The following ALG10B variants were observed in gnomAD, a reference collection of about 807,000 sequenced individuals.
ALG10B encodes dol-P-Glc:Glc(2)Man(9)GlcNAc(2)-PP-Dol alpha-1,2-glucosyltransferase B.
ALG10B carries 27 observed loss-of-function variants against 38.7 expected under a neutral mutation model. The ratio of observed to expected loss-of-function variants is 0.70; its 90% CI spans 0.51 to 0.96. The LOEUF is 0.96. ALG10B is among the 40% of genes least tolerant of loss of function. The pLI is 0.00. For synonymous variants in ALG10B, 177 were observed against 193.3 expected (o/e 0.92, Z 0.70); for missense variants, 522 against 542.7 (o/e 0.96, Z 0.38).
rs1442206954 is a variant in ALG10B, at chr12:38,316,955, G to A, written c.62G>A (p.Cys21Tyr). Residue 21 changes from cysteine (C) to tyrosine (Y), a missense_variant, in exon 1 of 3, where the codon TGC (cysteine) becomes TAC (tyrosine). By Grantham distance (194) the Cys-to-Tyr change is radical (BLOSUM62 -2). Transcript: ENST00000308742. ...AALSCTFLVS[C>Y]LLFSAFSRAL... ...TTGAGCTGTACCTTTTTAGTGTCCT[G>A]CCTCCTCTTCTCCGCCTTCAGCCGG... is the stretch of plus-strand genomic sequence containing the variant. 6.2e-7 allele frequency: 1 copy of A among 1,614,036 alleles called. No homozygotes were observed. Among genetic ancestry groups the A allele is most frequent in the Non-Finnish European group, 8.5e-7 (1 of 1,180,052 alleles).
At position 38,321,073 on chromosome 12, in the gene ALG10B, A is replaced by C; in HGVS notation, c.1282A>C (p.Asn428His). 1 of 1,613,830 alleles carries C rather than the reference A, an allele frequency of 6.2e-7. No homozygotes were observed. Among genetic ancestry groups the C allele is most frequent in the South Asian group, 1.1e-5 (1 of 91,060 alleles). The change falls in exon 3 of 3, where the codon AAC becomes CAC. Residue 428 changes from asparagine to histidine, a missense_variant. Physicochemically the swap from Asn to His is moderately conservative, Grantham distance 68. Transcript: ENST00000308742. Reference protein sequence around the residue: ...FILPYVIYRLNITLPPTSRLV... With the variant: ...FILPYVIYRLHITLPPTSRLV... ...TTTACCTTATGTCATTTATAGGCTT[A>C]ACATAACTCTGCCTCCCACATCCAG... is the stretch of plus-strand genomic sequence containing the variant.
Position 38,329,199 on chromosome 12 carries a change from T to C in ALG10B, c.*7986T>C, listed in dbSNP as rs1295173789. On this transcript the variant is annotated 3_prime_UTR_variant, in exon 3 of 3. Coordinates refer to ENST00000308742, the MANE Select transcript of ALG10B (RefSeq NM_001013620.4). ...TAATTTTGCCTCTTCCACAGGGAGATAGATTCTCATCTACCATTGTGTCTT... is the reference window on the plus strand; with the variant it reads ...TAATTTTGCCTCTTCCACAGGGAGACAGATTCTCATCTACCATTGTGTCTT... 4 of 398,376 alleles carry C rather than the reference T, an allele frequency of 1.0e-5. No individual in the cohort carries two copies. Among genetic ancestry groups the C allele is most frequent in the East Asian group, 3.6e-5 (1 of 28,036 alleles). 24.7% of individuals were successfully genotyped at this position (398,376 alleles called of 1,614,324 possible).
In ALG10B at chr12:38,324,837, C is replaced by T. The variant is rs1342786813; in HGVS notation, c.*3624C>T. 6.6e-6 allele frequency: 1 copy of T among 152,114 alleles called. No homozygotes were observed. Among genetic ancestry groups the T allele is most frequent in the Middle Eastern group, 3.2e-3 (1 of 316 alleles). The allele number at this position is 152,114 out of a possible 1,614,324, so 9.4% of individuals were successfully genotyped here. ...AGATATTTTTTCATGAATTTTTAAA[C>T]ATTAGACTTAGCTGAATTGATTAAA... On this transcript the variant is annotated 3_prime_UTR_variant, in exon 3 of 3. Transcript: ENST00000308742.
In ALG10B at chr12:38,321,871, A is replaced by G. The variant is rs1945707975; in HGVS notation, c.*658A>G. 1.3e-5 allele frequency: 2 copies of G among 152,480 alleles called. No homozygotes were observed. Among genetic ancestry groups the G allele is most frequent in the Non-Finnish European group, 2.9e-5 (2 of 68,026 alleles). 9.4% of individuals were successfully genotyped at this position (152,480 alleles called of 1,614,324 possible). On this transcript the variant is annotated 3_prime_UTR_variant, in exon 3 of 3. Coordinates refer to ENST00000308742, the MANE Select transcript of ALG10B (RefSeq NM_001013620.4). Reference sequence around the variant, plus strand: ...TGATGAAGCTCTTTCACTAATTCCTAATATGAAATGTATGATGGCCAAAGA... The same window carrying G: ...TGATGAAGCTCTTTCACTAATTCCTGATATGAAATGTATGATGGCCAAAGA...
At position 38,321,006 on chromosome 12, in the gene ALG10B, T is replaced by C; in HGVS notation, c.1215T>C (p.Ile405=). The change falls in exon 3 of 3, where the codon ATT becomes ATC. Residue 405 remains isoleucine, a synonymous_variant. Transcript: ENST00000308742. ...TAATGTTTTTCATATGCTTGTTCAT[T>C]GTTATAGTTCCTCAGAAACTGCTGG... ...WNLMFFICLF[I]VIVPQKLLEF... is the part of the protein sequence containing the mutation. 1 of 1,613,198 alleles carries C rather than the reference T, an allele frequency of 6.2e-7. No homozygotes were observed. Among genetic ancestry groups the C allele is most frequent in the Non-Finnish European group, 8.5e-7 (1 of 1,179,718 alleles).
Position 38,318,264 on chromosome 12 carries a change from G to A in ALG10B, c.175G>A (p.Asp59Asn). 1.2e-6 allele frequency: 2 copies of A among 1,613,970 alleles called. No homozygotes were observed. The highest frequency in any genetic ancestry group is 1.7e-6 in the Non-Finnish European group (2 of 1,179,946). Residue 59 changes from aspartate (D) to asparagine (N), a missense_variant, in exon 2 of 3, where the codon GAT becomes AAT. Coordinates refer to ENST00000308742, the MANE Select transcript of ALG10B (RefSeq NM_001013620.4). ...CEGHFSLSQW[D>N]PMITTLPGLY... ...TTCATTTTCTTTCATTTTAAAGTGGGATCCCATGATTACTACATTACCTGG... is the reference window on the plus strand; with the variant it reads ...TTCATTTTCTTTCATTTTAAAGTGGAATCCCATGATTACTACATTACCTGG...
In ALG10B at chr12:38,316,781, C is replaced by T. The variant is rs7296576; in HGVS notation, c.-113C>T. ...TCCTTTGCCTTCCGGTATGTGGCCCCGTCTGGCTAGTCCTGTCTAGCGCGC... is the reference window on the plus strand; with the variant it reads ...TCCTTTGCCTTCCGGTATGTGGCCCTGTCTGGCTAGTCCTGTCTAGCGCGC... On this transcript the variant is annotated 5_prime_UTR_variant, in exon 1 of 3. Transcript: ENST00000308742. 0.56 allele frequency: 883,983 copies of T among 1,573,968 alleles called. 253,207 individuals carry two copies. The highest frequency in any genetic ancestry group is 0.85 in the East Asian group (37,918 of 44,642).
At position 38,318,450 on chromosome 12, in the gene ALG10B, A is replaced by G; in HGVS notation, c.361A>G (p.Arg121Gly). ...TTTGCTTTTCCACAAGGTACAACCC[A>G]GAAACAAGGTATGTTTCAAAATACT... ...LYLLFHKVQP[R>G]NKAASSIQRV... The change falls in exon 2 of 3, where the codon AGA (arginine) becomes GGA (glycine). Residue 121 changes from arginine to glycine, a missense_variant. Arg to Gly is a moderately radical substitution (Grantham distance 125, BLOSUM62 -2). Coordinates refer to ENST00000308742, the MANE Select transcript of ALG10B (RefSeq NM_001013620.4). 6.2e-7 allele frequency: 1 copy of G among 1,614,094 alleles called. No individual in the cohort carries two copies. Among genetic ancestry groups the G allele is most frequent in the Non-Finnish European group, 8.5e-7 (1 of 1,179,932 alleles).
In ALG10B at chr12:38,326,535, TAA is replaced by T. The variant is rs1945746361; in HGVS notation, c.*5323_*5324del. On this transcript the variant is annotated 3_prime_UTR_variant, in exon 3 of 3. Transcript: ENST00000308742. The stretch of plus-strand genomic sequence containing the variant: ...CAAAATAATTGCTTTTTATTTAAAA[TAA>T]GAAAATATTCTTATTTCTATTTAAA... 7.6e-5 allele frequency: 2 copies of T among 26,392 alleles called. No homozygotes were observed. Among genetic ancestry groups the T allele is most frequent in the Non-Finnish European group, 1.3e-4 (2 of 15,950 alleles). 1.6% of individuals were successfully genotyped at this position (26,392 alleles called of 1,614,324 possible).
At position 38,324,565 on chromosome 12, in the gene ALG10B, C is replaced by T. The variant is rs1262767150; in HGVS notation, c.*3352C>T. The T allele has an allele frequency of 2.6e-5, 4 of 152,094 alleles. No homozygotes were observed. Among genetic ancestry groups the T allele is most frequent in the African/African-American group, 4.8e-5 (2 of 41,424 alleles). 9.4% of individuals were successfully genotyped at this position (152,094 alleles called of 1,614,324 possible). On this transcript the variant is annotated 3_prime_UTR_variant, in exon 3 of 3. Coordinates refer to ENST00000308742, the MANE Select transcript of ALG10B (RefSeq NM_001013620.4). ...CTTTCGAATTTAAGATAAATGTCTT[C>T]GTTAAATTTTCTAGGCAGTTCAAAG...
rs1371208846 is a variant in ALG10B, at chr12:38,318,422, A to G, written c.333A>G (p.Leu111=). The change falls in exon 2 of 3, where the codon CTA becomes CTG. Residue 111 remains leucine (L), a synonymous_variant. Transcript: ENST00000308742. Reference sequence around the variant, plus strand: ...TCAGTGTTGGCAACTTCTATTTACTATATTTGCTTTTCCACAAGGTACAAC... The same window carrying G: ...TCAGTGTTGGCAACTTCTATTTACTGTATTTGCTTTTCCACAAGGTACAAC... The part of the protein sequence containing the change: ...LLFSVGNFYL[L]YLLFHKVQPR... 3.7e-6 allele frequency: 6 copies of G among 1,614,134 alleles called. No individual in the cohort carries two copies. Among genetic ancestry groups the G allele is most frequent in the Non-Finnish European group, 4.2e-6 (5 of 1,180,016 alleles).
chr12:38,321,950 T>C lies in ALG10B; in HGVS notation c.*737T>C, dbSNP rs1431515115. On this transcript the variant is annotated 3_prime_UTR_variant, in exon 3 of 3. Transcript: ENST00000308742. Reference sequence around the variant, plus strand: ...AGGGGGATTTCCTTTATGAAATACATATTGTATTAGCTTCCCAGGGCTGCC... The same window carrying C: ...AGGGGGATTTCCTTTATGAAATACACATTGTATTAGCTTCCCAGGGCTGCC... 1 of 152,204 alleles carries C rather than the reference T, an allele frequency of 6.6e-6. No homozygotes were observed. The highest frequency in any genetic ancestry group is 1.5e-5 in the Non-Finnish European group (1 of 68,022). The allele number at this position is 152,204 out of a possible 1,614,324, so 9.4% of individuals were successfully genotyped here. A position where few individuals can be genotyped will look rare whatever the true frequency, so the allele number is the denominator to read the frequency against.
Position 38,322,833 on chromosome 12 carries a change from A to G in ALG10B, c.*1620A>G, listed in dbSNP as rs1945714546. 1 of 152,100 alleles carries G rather than the reference A, an allele frequency of 6.6e-6. No homozygotes were observed. Among genetic ancestry groups the G allele is most frequent in the South Asian group, 2.1e-4 (1 of 4,820 alleles). The allele number at this position is 152,100 out of a possible 1,614,324, so 9.4% of individuals were successfully genotyped here. On this transcript the variant is annotated 3_prime_UTR_variant, in exon 3 of 3. Transcript: ENST00000308742. ...ACTTCTGTGAGTTTAATTGTTTTAG[A>G]TTACACAAATAAGTGAGATCATGTG...
rs1266881285 is a variant in ALG10B, at chr12:38,329,248, C to T, written c.*8035C>T. On this transcript the variant is annotated 3_prime_UTR_variant, in exon 3 of 3. Coordinates refer to ENST00000308742, the MANE Select transcript of ALG10B (RefSeq NM_001013620.4). ...TTTTGTTTCTGTTTTTGTCATGATA[C>T]CTCAAATTGATATATGTTGTAATTA... The T allele has an allele frequency of 2.5e-6, 1 of 397,648 alleles. No homozygotes were observed. Among genetic ancestry groups the T allele is most frequent in the Non-Finnish European group, 4.4e-6 (1 of 225,922 alleles). The allele number at this position is 397,648 out of a possible 1,614,324, so 24.6% of individuals were successfully genotyped here.
At chr12:38,317,320 C>T in intron 1 of ALG10B, 1 of 576,988 alleles carries the variant, frequency 1.7e-6, no homozygotes, top group East Asian at 3.1e-5. Context: ...CTGAGCGCTC[C>T]TCTTGGCAGC....
At chr12:38,317,329 G>A (rs1945664652) in intron 1 of ALG10B, 1 of 557,312 alleles carries the variant, frequency 1.8e-6, no homozygotes, top group African/African-American at 1.9e-5. Context: ...CCTCTTGGCA[G>A]CTGACAATAT....
chr12:38,320,387 A>G lies in ALG10B; in HGVS notation c.596A>G (p.Asn199Ser). 1 of 1,614,084 alleles carries G rather than the reference A, an allele frequency of 6.2e-7. No homozygotes were observed. The highest frequency in any genetic ancestry group is 8.5e-7 in the Non-Finnish European group (1 of 1,179,968). ...ATCTGGGCTGTCTTCTGTGCAGGGA[A>G]TGTCATTGCACAAAAGTTAACTGAG... ...NIIWAVFCAG[N>S]VIAQKLTEAW... The change falls in exon 3 of 3, where the codon AAT becomes AGT. Residue 199 changes from asparagine (N) to serine (S), a missense_variant. Transcript: ENST00000308742.
chr12:38,317,197 GTA>G lies in ALG10B; in HGVS notation c.171+136_171+137del, dbSNP rs930186124. ...AGCCTCAGAACATGAAAGAAACTGG[GTA>G]TAGTCTTTTGTTCCTGTCTCTGAGA... is the stretch of plus-strand genomic sequence containing the variant. On this transcript the variant is annotated intron_variant, in intron 1 of 2. Transcript: ENST00000308742. 1.6e-4 allele frequency: 204 copies of G among 1,267,624 alleles called. 1 individual carries two copies. The highest frequency in any genetic ancestry group is 2.1e-4 in the Non-Finnish European group (189 of 918,870). The allele number at this position is 1,267,624 out of a possible 1,614,324, so 78.5% of individuals were successfully genotyped here. A position where few individuals can be genotyped will look rare whatever the true frequency, so the allele number is the denominator to read the frequency against.
rs180800987 is a variant in ALG10B, at chr12:38,326,212, A to G, written c.*4999A>G. On this transcript the variant is annotated 3_prime_UTR_variant, in exon 3 of 3. Transcript: ENST00000308742. ...TTTATTTATTATTTTATTTTATTTT[A>G]TTTTATTTTTTAGCTCATCAGCTAT... 4.8e-4 allele frequency: 73 copies of G among 150,836 alleles called. 1 individual carries two copies. Among genetic ancestry groups the G allele is most frequent in the African/African-American group, 1.6e-3 (68 of 41,288 alleles). 9.3% of individuals were successfully genotyped at this position (150,836 alleles called of 1,614,324 possible). A position where few individuals can be genotyped will look rare whatever the true frequency, so the allele number is the denominator to read the frequency against.
Sources: gnomAD v4.1 joint callset for allele counts on GRCh38, gnomAD v4.1.1 for gene constraint, MANE v1.5 for transcripts, NCBI Gene and HGNC (gene_info 2026-07-23, HGNC 2026-07-21) for gene names.